MITF: variants seen among roughly 807,000 people sequenced by gnomAD.
The protein encoded by MITF is microphthalmia-associated transcription factor.
MITF carries 17 observed loss-of-function variants against 60.5 expected under a neutral mutation model. The observed-to-expected ratio is 0.28, with a 90% CI of 0.19 to 0.42. MITF has a LOEUF of 0.42. Among genes scored for constraint, MITF ranks in the 10% least tolerant of loss-of-function variants. MITF has a pLI of 1.00. For synonymous variants in MITF, 260 were observed against 248.5 expected (o/e 1.05, Z -0.43); for missense variants, 622 against 683.5 (o/e 0.91, Z 1.00).
intron 1 of MITF, among the ~76,000 whole-genome samples, chr3:69,860,879 A>G (rs968564823): frequency 6.6e-6 from 1 of 152,158 alleles, no homozygotes; most frequent in Non-Finnish European, 1.5e-5. Flanking sequence ...CTTTGAGAGG[A>G]TGCTGTAATA....
chr3:69,896,854 T>C (rs1191944206), intron 2 of MITF, among the ~76,000 whole-genome samples: 1 of 152,184 alleles, frequency 6.6e-6, no homozygotes, highest in African/African-American at 2.4e-5. Flanking sequence ...CAGCTAGTAC[T>C]GTTGAACCCT....
intron 1 of MITF, among the ~76,000 whole-genome samples, chr3:69,829,538 G>A (rs369737622): frequency 1.3e-5 from 2 of 152,204 alleles, no homozygotes; most frequent in East Asian, 3.9e-4. Flanking sequence ...CGTTTATTGA[G>A]GAACTACTTT....
intron 1 of MITF, among the ~76,000 whole-genome samples, chr3:69,823,125 C>T (rs541062867): frequency 3.3e-5 from 5 of 152,174 alleles, no homozygotes; most frequent in Admixed American, 6.5e-5. Context: ...GTGATCTGCC[C>T]ACCTCTGCCT....
rs2066711266 is a variant in MITF at position 69,967,229 on chromosome 3, ATAGCTT to A, written c.*1984_*1989del. The A allele has an allele frequency of 4.3e-6, 1 of 232,168 alleles. No homozygotes were observed. Among genetic ancestry groups the A allele is most frequent in the African/African-American group, 2.2e-5 (1 of 45,252 alleles). The allele number at this position is 232,168 out of a possible 1,614,324, so 14.4% of individuals were successfully genotyped here. A position where few individuals can be genotyped will look rare whatever the true frequency, so the allele number is the denominator to read the frequency against. On this transcript the variant is annotated 3_prime_UTR_variant, in exon 10 of 10. Transcript: ENST00000352241. ...AAACATTGGTGATGCTATCAGTTTT[ATAGCTT>A]TATTTCTTAAGGGGGTAGGGAAAAT...
At chr3:69,924,863 G>C (rs1043392007) in intron 2 of MITF, among the ~76,000 whole-genome samples, 1 of 152,154 alleles carries the variant, frequency 6.6e-6, no homozygotes, top group Non-Finnish European at 1.5e-5. Context: ...AAGTGTCCCA[G>C]CTCTAACGTT....
intron 2 of MITF, among the ~76,000 whole-genome samples, chr3:69,927,853 G>A (rs892488715): frequency 1.3e-5 from 2 of 152,232 alleles, no homozygotes; most frequent in African/African-American, 4.8e-5. Context: ...ATAGTGCTGA[G>A]GCTGAAAGCC....
At position 69,757,997 on chromosome 3, in the gene MITF, ATGTGTG is replaced by A. The variant is rs60250386; in HGVS notation, c.104+18336_104+18341del. On this transcript the variant is annotated intron_variant, in intron 1 of 9. Coordinates refer to ENST00000352241, the MANE Select transcript of MITF (RefSeq NM_001354604.2). ...AAAGAACCTGGAGTTACCCTAGGGC[ATGTGTG>A]TGTGTGTGTGTGTGTGTGTGTGTGT... 4.9e-3 allele frequency among the ~76,000 whole-genome samples: 571 copies of A among 116,042 alleles called. 4 individuals are homozygous for A. The highest frequency in any genetic ancestry group is 0.014 in the African/African-American group (412 of 28,498). 76.1% of individuals were successfully genotyped at this position (116,042 alleles called of 152,430 possible).
At chr3:69,864,304 G>A (rs1300910219) in intron 1 of MITF, among the ~76,000 whole-genome samples, 6 of 152,174 alleles carry the variant, frequency 3.9e-5, no homozygotes, top group Admixed American at 3.9e-4. Context: ...CTAGAGGCAG[G>A]AAAAGAGAGG....
rs536562248 is a variant in MITF, at chr3:69,946,380, T to C, written c.763-2671T>C. ...GGGTTTTTATTTCCTCAGGTCTAAT[T>C]GGAGATGAATTGAAAGTTTGCAGTT... On this transcript the variant is annotated intron_variant, in intron 5 of 9. Transcript: ENST00000352241. Among the ~76,000 whole-genome samples, 109 of 152,220 alleles carry C rather than the reference T, an allele frequency of 7.2e-4. 1 individual carries two copies. Among genetic ancestry groups the C allele is most frequent in the African/African-American group, 2.5e-3 (105 of 41,524 alleles).
chr3:69,797,408 A>G (rs1176144437), intron 1 of MITF, among the ~76,000 whole-genome samples: 1 of 152,172 alleles, frequency 6.6e-6, no homozygotes, highest in Non-Finnish European at 1.5e-5. Context: ...ATTTTCTGGG[A>G]ATGAATGGAC....
chr3:69,745,068 A>G (rs1215488834), intron 1 of MITF, among the ~76,000 whole-genome samples: 1 of 152,130 alleles, frequency 6.6e-6, no homozygotes, highest in African/African-American at 2.4e-5. Context: ...AAAAACAATA[A>G]TGATATTAAT....
chr3:69,786,659 C>T (rs2062654508), intron 1 of MITF, among the ~76,000 whole-genome samples: 1 of 151,854 alleles, frequency 6.6e-6, no homozygotes, highest in South Asian at 2.1e-4. Flanking sequence ...TTATATAAGA[C>T]TGTGGAAAAT....
At chr3:69,846,174 GATCTAAATTA>G (rs78874920) in intron 1 of MITF, among the ~76,000 whole-genome samples, 74,694 of 150,514 alleles carry the variant, frequency 0.5, 20,195 homozygotes, top group Non-Finnish European at 0.63. Context: ...TTAATTGAGA[GATCTAAATTA>G]AATGAGATCT....
At chr3:69,910,021 A>T (rs531287221) in intron 2 of MITF, among the ~76,000 whole-genome samples, 8 of 152,196 alleles carry the variant, frequency 5.3e-5, no homozygotes, top group Non-Finnish European at 1.0e-4. Flanking sequence ...AGCCCTTCCC[A>T]TCACAGGCCT....
intron 1 of MITF, among the ~76,000 whole-genome samples, chr3:69,820,841 A>G (rs555782751): frequency 1.3e-5 from 2 of 152,320 alleles, no homozygotes; most frequent in East Asian, 3.9e-4. Context: ...ACAAGTGTCA[A>G]CATAGAAATA....
chr3:69,812,928 C>T (rs1038730466), intron 1 of MITF, among the ~76,000 whole-genome samples: 1 of 152,142 alleles, frequency 6.6e-6, no homozygotes, highest in Non-Finnish European at 1.5e-5. Context: ...TATTAAAGAT[C>T]CTTTTACTTT....
intron 2 of MITF, among the ~76,000 whole-genome samples, chr3:69,931,554 CTGTTT>C (rs557748338): frequency 1.3e-5 from 2 of 152,106 alleles, no homozygotes; most frequent in African/African-American, 2.4e-5. Flanking sequence ...CTAGTCTATT[CTGTTT>C]TAACATCAAA....
intron 1 of MITF, among the ~76,000 whole-genome samples, chr3:69,837,695 G>T (rs1209284313): frequency 1.3e-5 from 2 of 152,034 alleles, no homozygotes; most frequent in Non-Finnish European, 2.9e-5. Flanking sequence ...TACCTCATTG[G>T]CAGAATTACC....
At chr3:69,743,927 T>C (rs1025971060) in intron 1 of MITF, among the ~76,000 whole-genome samples, 1 of 152,266 alleles carries the variant, frequency 6.6e-6, no homozygotes, top group Non-Finnish European at 1.5e-5. Flanking sequence ...TTTGTAGTTG[T>C]TAATGTCCTT....
Sources: gnomAD v4.1 joint callset for allele counts (sites outside exome capture counted in the v4.1 genomes callset) on GRCh38, gnomAD v4.1.1 for gene constraint, MANE v1.5 for transcripts, NCBI Gene and HGNC (gene_info 2026-07-23, HGNC 2026-07-21) for gene names.